CPA6: variants seen among roughly 807,000 people sequenced by gnomAD.
CPA6 encodes carboxypeptidase A6.
CPA6 carries 58 observed loss-of-function variants against 63.3 expected under a neutral mutation model. The observed-to-expected ratio is 0.92, with a 90% confidence interval of 0.74 to 1.14. The LOEUF is 1.14. Among genes scored for constraint, CPA6 ranks in the 50% most tolerant of loss-of-function variants. CPA6 has a pLI of 0.00. For missense variants in CPA6, 565 were observed against 526.6 expected (o/e 1.07, Z -0.71); for synonymous variants, 185 against 179.0 (o/e 1.03, Z -0.27).
chr8:67,740,883 C>A (rs1563416295), intron 1 of CPA6, among the ~76,000 whole-genome samples: 1 of 151,650 alleles, frequency 6.6e-6, no homozygotes, highest in African/African-American at 2.4e-5. Context: ...AACTACTTTT[C>A]AAAAAAAATC....
At chr8:67,490,142 C>T (rs1202739523) in intron 6 of CPA6, among the ~76,000 whole-genome samples, 1 of 152,108 alleles carries the variant, frequency 6.6e-6, no homozygotes, top group Non-Finnish European at 1.5e-5. Context: ...TGCTTGAGTG[C>T]CTTAAATAAT....
chr8:67,519,474 G>A (rs1465830400), intron 2 of CPA6, among the ~76,000 whole-genome samples: 1 of 152,174 alleles, frequency 6.6e-6, no homozygotes, highest in Non-Finnish European at 1.5e-5. Context: ...ATCAGTGCCT[G>A]CATTCTGTTA....
intron 1 of CPA6, among the ~76,000 whole-genome samples, chr8:67,678,225 TCTCACACACACA>T (rs1165072472): frequency 1.4e-5 from 2 of 142,954 alleles, no homozygotes; most frequent in African/African-American, 5.3e-5. Context: ...TAAAACTCTG[TCTCACACACACA>T]CACACACACA....
intron 8 of CPA6, among the ~76,000 whole-genome samples, chr8:67,471,560 T>G (rs557145665): frequency 3.8e-4 from 58 of 152,312 alleles, no homozygotes; most frequent in Non-Finnish European, 6.5e-4. Flanking sequence ...CTGTGTTCTA[T>G]AGTTCACTAG....
chr8:67,489,870 A>AT (rs1179878594), intron 6 of CPA6, among the ~76,000 whole-genome samples: 14 of 152,102 alleles, frequency 9.2e-5, no homozygotes, highest in Non-Finnish European at 2.1e-4. Context: ...ATCATTTAAA[A>AT]TTTTTTCATT....
intron 8 of CPA6, among the ~76,000 whole-genome samples, chr8:67,462,911 C>G (rs1365157454): frequency 6.6e-6 from 1 of 152,122 alleles, no homozygotes; most frequent in African/African-American, 2.4e-5. Context: ...TAGAATGACT[C>G]CTGTGGCTCT....
intron 2 of CPA6, among the ~76,000 whole-genome samples, chr8:67,567,531 G>A (rs188452937): frequency 8.9e-4 from 136 of 152,316 alleles, no homozygotes; most frequent in African/African-American, 3.1e-3. Flanking sequence ...GGTCAGCAAG[G>A]TGGTGGAAAA....
chr8:67,690,423 T>C (rs1816792877), intron 1 of CPA6, among the ~76,000 whole-genome samples: 1 of 152,206 alleles, frequency 6.6e-6, no homozygotes, highest in African/African-American at 2.4e-5. Flanking sequence ...ATCAAGTAAA[T>C]TTGTTGAGAA....
chr8:67,493,838 C>T (rs1274389778), intron 6 of CPA6, among the ~76,000 whole-genome samples: 1 of 151,708 alleles, frequency 6.6e-6, no homozygotes, highest in African/African-American at 2.4e-5. Context: ...CAGATTAGAT[C>T]CACCTGTATA....
intron 1 of CPA6, among the ~76,000 whole-genome samples, chr8:67,690,394 T>C (rs1816792443): frequency 6.6e-6 from 1 of 152,238 alleles, no homozygotes; most frequent in Non-Finnish European, 1.5e-5. Context: ...TAAAGATCTG[T>C]ATGACTATTT....
At chr8:67,618,080 C>T (rs1814999153) in intron 2 of CPA6, among the ~76,000 whole-genome samples, 1 of 152,212 alleles carries the variant, frequency 6.6e-6, no homozygotes. Flanking sequence ...ACCCTAATTA[C>T]ATCTGCAATC....
intron 1 of CPA6, among the ~76,000 whole-genome samples, chr8:67,721,641 G>T (rs928601366): frequency 7.9e-5 from 12 of 152,136 alleles, no homozygotes; most frequent in East Asian, 1.9e-4. Flanking sequence ...ACTTTCTATG[G>T]CAAGGCTGGT....
At chr8:67,614,554 A>C (rs1814893663) in intron 2 of CPA6, among the ~76,000 whole-genome samples, 1 of 152,242 alleles carries the variant, frequency 6.6e-6, no homozygotes, top group Non-Finnish European at 1.5e-5. Context: ...AAACTGGTGC[A>C]GACCAGAGCA....
intron 1 of CPA6, among the ~76,000 whole-genome samples, chr8:67,665,071 T>A (rs933199364): frequency 6.6e-6 from 1 of 152,040 alleles, no homozygotes; most frequent in Non-Finnish European, 1.5e-5. Flanking sequence ...CTTACGCTTC[T>A]GGAAAAAAAA....
intron 1 of CPA6, among the ~76,000 whole-genome samples, chr8:67,680,691 T>G (rs1486153448): frequency 6.6e-6 from 1 of 152,176 alleles, no homozygotes; most frequent in Non-Finnish European, 1.5e-5. Flanking sequence ...ATTTCCACTC[T>G]GAATGTCTAT....
Position 67,437,211 on chromosome 8 carries a change from C to T in CPA6, c.839-2971G>A, listed in dbSNP as rs1481573509. The stretch of plus-strand genomic sequence containing the variant: ...GAGATCGAGACCATCCTGGCTAACA[C>T]AGTGAAACCCCGTGTCTGCTAAAAA... On this transcript the variant is annotated intron_variant, in intron 8 of 10. Transcript: ENST00000297770. 3.3e-5 allele frequency among the ~76,000 whole-genome samples: 5 copies of T among 152,226 alleles called. No homozygotes were observed. The Middle Eastern group carries it at 0.01, about 311-fold the overall frequency.
chr8:67,500,010 C>T (rs531925512), intron 6 of CPA6, among the ~76,000 whole-genome samples: 13 of 152,202 alleles, frequency 8.5e-5, no homozygotes, highest in African/African-American at 2.9e-4. Flanking sequence ...GGGATAAATG[C>T]CAGGAGTGCA....
chr8:67,545,501 T>C (rs1451638451), intron 2 of CPA6, among the ~76,000 whole-genome samples: 1 of 151,904 alleles, frequency 6.6e-6, no homozygotes, highest in Non-Finnish European at 1.5e-5. Context: ...ATTATGCTGC[T>C]GACTCATGTC....
intron 2 of CPA6, among the ~76,000 whole-genome samples, chr8:67,611,516 A>T (rs1348538351): frequency 2.0e-5 from 3 of 152,196 alleles, no homozygotes; most frequent in Non-Finnish European, 4.4e-5. Flanking sequence ...TGGACCAGCA[A>T]AGGTGTTATT....
Sources: allele counts gnomAD v4.1 joint callset (sites outside exome capture counted in the v4.1 genomes callset), GRCh38; gene constraint gnomAD v4.1.1; transcripts MANE v1.5; gene names NCBI Gene and HGNC (gene_info 2026-07-23, HGNC 2026-07-21).